The following SGCZ variants were observed in gnomAD, a reference collection of about 807,000 sequenced individuals.
SGCZ encodes the protein sarcoglycan zeta.
A neutral mutation model predicts 41.3 loss-of-function variants in SGCZ; 40 were observed. The observed-to-expected ratio is 0.97, with a 90% CI of 0.75 to 1.26. The LOEUF (loss-of-function observed/expected upper bound fraction) is 1.26. Among genes scored for constraint, SGCZ ranks in the 50% most tolerant of loss-of-function variants. The pLI is 0.00. For missense variants in SGCZ, 552 were observed against 369.8 expected (o/e 1.49, Z -4.04); for synonymous variants, 206 against 137.5 (o/e 1.50, Z -3.49).
At chr8:14,764,010 T>C (rs1799967218) in intron 1 of SGCZ, among the ~76,000 whole-genome samples, 1 of 152,182 alleles carries the variant, frequency 6.6e-6, no homozygotes, top group African/African-American at 2.4e-5. Flanking sequence ...CTATTCCCTA[T>C]CAAGTTCCTT....
At chr8:14,928,479 A>T (rs1273199670) in intron 1 of SGCZ, among the ~76,000 whole-genome samples, 1 of 152,206 alleles carries the variant, frequency 6.6e-6, no homozygotes. Context: ...ATCTCACCAG[A>T]ATAGAGGAAA....
chr8:14,815,614 T>G (rs1046050111), intron 1 of SGCZ, among the ~76,000 whole-genome samples: 3 of 152,178 alleles, frequency 2.0e-5, no homozygotes, highest in Non-Finnish European at 4.4e-5. Context: ...ACACAGAGTA[T>G]GTATAGAAAT....
intron 4 of SGCZ, among the ~76,000 whole-genome samples, chr8:14,228,211 T>G (rs139550836): frequency 6.6e-6 from 1 of 152,160 alleles, no homozygotes; most frequent in Non-Finnish European, 1.5e-5. Flanking sequence ...ATAAGACAAT[T>G]ATATATGGAA....
At chr8:14,406,822 G>A (rs1237388799) in intron 2 of SGCZ, among the ~76,000 whole-genome samples, 1 of 152,134 alleles carries the variant, frequency 6.6e-6, no homozygotes, top group Non-Finnish European at 1.5e-5. Context: ...AAATATGAGT[G>A]CAGCACTGAT....
chr8:14,407,447 G>A (rs1321123145), intron 2 of SGCZ, among the ~76,000 whole-genome samples: 7 of 152,072 alleles, frequency 4.6e-5, no homozygotes, highest in Non-Finnish European at 1.5e-5. Flanking sequence ...GTGTTGGGTG[G>A]TGGATTCAGG....
intron 5 of SGCZ, among the ~76,000 whole-genome samples, chr8:14,110,355 C>T (rs1431524190): frequency 3.3e-5 from 5 of 151,964 alleles, no homozygotes; most frequent in East Asian, 1.9e-4. Context: ...AATTAAACAT[C>T]GGTAATATTT....
intron 1 of SGCZ, among the ~76,000 whole-genome samples, chr8:14,750,986 T>C (rs1276486428): frequency 6.6e-6 from 1 of 152,188 alleles, no homozygotes; most frequent in African/African-American, 2.4e-5. Context: ...AGCATTGTTA[T>C]GAACCAAATG....
chr8:15,131,410 G>T (rs1807895361), intron 1 of SGCZ, among the ~76,000 whole-genome samples: 1 of 152,162 alleles, frequency 6.6e-6, no homozygotes, highest in Non-Finnish European at 1.5e-5. Flanking sequence ...AGCCCTGCCA[G>T]CCACGTGGAA....
intron 1 of SGCZ, among the ~76,000 whole-genome samples, chr8:15,232,334 C>T (rs550708086): frequency 6.6e-6 from 1 of 151,960 alleles, no homozygotes; most frequent in African/African-American, 2.4e-5. Flanking sequence ...TTTACTGGGC[C>T]TTCAACATTT....
At chr8:15,172,096 G>A (rs1799848857) in intron 1 of SGCZ, among the ~76,000 whole-genome samples, 1 of 141,106 alleles carries the variant, frequency 7.1e-6, no homozygotes, top group African/African-American at 2.7e-5. Context: ...AAGCAAAATA[G>A]AACTATTCAA....
intron 1 of SGCZ, among the ~76,000 whole-genome samples, chr8:15,017,954 C>A (rs1417812199): frequency 6.6e-6 from 1 of 152,048 alleles, no homozygotes; most frequent in African/African-American, 2.4e-5. Flanking sequence ...GGTCTTGAAC[C>A]CCTGGCCCAA....
intron 1 of SGCZ, among the ~76,000 whole-genome samples, chr8:14,687,486 T>C (rs1808651552): frequency 6.6e-6 from 1 of 151,792 alleles, no homozygotes; most frequent in Non-Finnish European, 1.5e-5. Context: ...AGAATGATGA[T>C]TTCCAATTTC....
At chr8:15,109,043 C>G (rs138024767) in intron 1 of SGCZ, among the ~76,000 whole-genome samples, 43 of 152,038 alleles carry the variant, frequency 2.8e-4, no homozygotes, top group African/African-American at 6.3e-4. Context: ...TTAACAAGAA[C>G]CTGGTTAAAA....
intron 4 of SGCZ, among the ~76,000 whole-genome samples, chr8:14,219,729 G>A (rs1806125964): frequency 6.8e-6 from 1 of 147,112 alleles, no homozygotes; most frequent in Non-Finnish European, 1.5e-5. Flanking sequence ...CCTGGCGACA[G>A]AGTGAGACTT....
intron 6 of SGCZ, among the ~76,000 whole-genome samples, chr8:14,103,556 G>C (rs960980732): frequency 2.0e-5 from 3 of 152,180 alleles, no homozygotes; most frequent in African/African-American, 7.2e-5. Flanking sequence ...CTGGAGTTCA[G>C]CTCCCTCTCA....
At chr8:15,172,162 T>TTTATTTATTTATTTA (rs1554471134) in intron 1 of SGCZ, among the ~76,000 whole-genome samples, 28 of 119,048 alleles carry the variant, frequency 2.4e-4, no homozygotes, top group African/African-American at 6.8e-4. Context: ...CTGTTTTTTT[T>TTTATTTATTTATTTA]TTTTTTTTTT....
intron 1 of SGCZ, among the ~76,000 whole-genome samples, chr8:14,623,013 C>T (rs555788435): frequency 6.6e-6 from 1 of 152,252 alleles, no homozygotes; most frequent in South Asian, 2.1e-4. Context: ...AAGGTCCTGG[C>T]TTTTCTGATA....
intron 1 of SGCZ, among the ~76,000 whole-genome samples, chr8:14,708,533 G>T (rs1368959995): frequency 1.3e-5 from 2 of 151,080 alleles, no homozygotes; most frequent in Non-Finnish European, 2.9e-5. Flanking sequence ...TGATTCTTCT[G>T]TGTATATAAT....
chr8:14,257,639 C>A (rs1031001178), intron 3 of SGCZ, among the ~76,000 whole-genome samples: 14 of 145,242 alleles, frequency 9.6e-5, no homozygotes, highest in Non-Finnish European at 1.8e-4. Flanking sequence ...CTCCTCCCCC[C>A]GCCCTATGAC....
Sources: allele counts gnomAD v4.1 joint callset (sites outside exome capture counted in the v4.1 genomes callset), GRCh38; gene constraint gnomAD v4.1.1; transcripts MANE v1.5; gene names NCBI Gene and HGNC (gene_info 2026-07-23, HGNC 2026-07-21).